The following KCNN4 variants were observed in gnomAD, a reference collection of about 807,000 sequenced individuals.
KCNN4 encodes the protein intermediate conductance calcium-activated potassium channel protein 4.
Under a neutral mutation model 45.2 loss-of-function variants are expected in KCNN4, and 31 were observed. That is an observed-to-expected ratio of 0.69 (90% CI 0.52 to 0.92). The LOEUF is 0.92. Among genes scored for constraint, KCNN4 ranks in the 40% least tolerant of loss-of-function variants. KCNN4 has a pLI of 0.00. For synonymous variants in KCNN4, 231 were observed against 254.6 expected (o/e 0.91, Z 0.88); for missense variants, 463 against 574.0 (o/e 0.81, Z 1.98).
intron 8 of KCNN4, 157 bp downstream of exon 8, chr19:43,767,383 G>A (rs746500456): frequency 7.9e-6 from 7 of 887,642 alleles, no homozygotes; most frequent in African/African-American, 1.7e-5. Context: ...TGCCAGTCCA[G>A]CCCCGAACTG....
At position 43,773,212 on chromosome 19, in the gene KCNN4, G is replaced by T. The variant is rs533598344; in HGVS notation, c.683+980C>A. Reference sequence around the variant, plus strand: ...CTAGGGAGGCTGAGGCATGAGAATTGCTTGAAGCCGGGAGGCAGAGGTTGC... The same window carrying T: ...CTAGGGAGGCTGAGGCATGAGAATTTCTTGAAGCCGGGAGGCAGAGGTTGC... On this transcript the variant is annotated intron_variant, in intron 3 of 8. Transcript: ENST00000648319. Among the ~76,000 whole-genome samples the T allele has an allele frequency of 7.9e-5, 12 of 152,376 alleles. 1 individual carries two copies. In the East Asian group the frequency reaches 1.7e-3, roughly 22 times the overall value.
At position 43,769,488 on chromosome 19, in the gene KCNN4, G is replaced by A. The variant is rs753494426; in HGVS notation, c.1003C>T (p.His335Tyr). ...FYKHTRRKES[H>Y]AARRHQRKLL... is the part of the protein sequence containing the mutation. Reference sequence around the variant, plus strand: ...TTGCGCTGATGCCTGCGGGCAGCATGAGACTCCTTCCTGCGAGTATGTTTG... The same window carrying A: ...TTGCGCTGATGCCTGCGGGCAGCATAAGACTCCTTCCTGCGAGTATGTTTG... The change falls in exon 6 of 9, where the codon CAT becomes TAT. Residue 335 changes from histidine (H) to tyrosine (Y), a missense_variant. Transcript: ENST00000648319. The surrounding 1 kb of genome is among the most constrained non-coding windows in gnomAD (Gnocchi z 4.4). 6.2e-7 allele frequency: 1 copy of A among 1,614,238 alleles called. No individual in the cohort carries two copies. Among genetic ancestry groups the A allele is most frequent in the Non-Finnish European group, 8.5e-7 (1 of 1,180,048 alleles).
rs116344022 is a variant in KCNN4 at position 43,776,734 on chromosome 19, C to T, written c.160-98G>A. The T allele has an allele frequency of 6.4e-3, 4,757 of 748,766 alleles. 158 individuals carry two copies. In the African/African-American group the frequency reaches 0.069, roughly 11 times the overall value. 46.4% of individuals were successfully genotyped at this position (748,766 alleles called of 1,614,324 possible). ...AAACCACCATTTTTTTTTTTTGATTCCCAATTTTCCTAGCCTCCTTCCCCT... is the reference window on the plus strand; with the variant it reads ...AAACCACCATTTTTTTTTTTTGATTTCCAATTTTCCTAGCCTCCTTCCCCT... On this transcript the variant is annotated intron_variant, in intron 1 of 8. Coordinates refer to ENST00000648319, the MANE Select transcript of KCNN4 (RefSeq NM_002250.3).
At chr19:43,768,942 C>T in intron 7 of KCNN4, 21 bp downstream of exon 7, 2 of 1,613,784 alleles carry the variant, frequency 1.2e-6, no homozygotes, top group Non-Finnish European at 1.7e-6. Context: ...TTCAAGACCT[C>T]CTCCCACGGG....
At position 43,780,734 on chromosome 19, in the gene KCNN4, T is replaced by C; in HGVS notation, c.128A>G (p.His43Arg). The part of the protein sequence containing the change: ...AGTGIGLMVL[H>R]AEMLWFGGCS... ...CCCCCCGAACCACAGCATCTCTGCA[T>C]GCAGCACCATGAGTCCAATGCCAGT... The change falls in exon 1 of 9, where the codon CAT (histidine) becomes CGT (arginine). Residue 43 changes from histidine (H) to arginine (R), a missense_variant. Transcript: ENST00000648319. 6.2e-7 allele frequency: 1 copy of C among 1,613,198 alleles called. No individual in the cohort carries two copies. Among genetic ancestry groups the C allele is most frequent in the Non-Finnish European group, 8.5e-7 (1 of 1,179,784 alleles).
At chr19:43,773,111 C>T (rs1276601727) in intron 3 of KCNN4, among the ~76,000 whole-genome samples, 1 of 152,228 alleles carries the variant, frequency 6.6e-6, no homozygotes, top group African/African-American at 2.4e-5. Flanking sequence ...CCAGCCTGGG[C>T]AACACGGTAA....
chr19:43,780,902 G>T lies in KCNN4; in HGVS notation c.-41C>A. On this transcript the variant is annotated 5_prime_UTR_variant, in exon 1 of 9. Coordinates refer to ENST00000648319, the MANE Select transcript of KCNN4 (RefSeq NM_002250.3). ...GGGGCTCAGCCAGCTTCCTGCCCAG[G>T]GTCCCCCACCTCGCAGCACGCACAG... 2 of 1,605,558 alleles carry T rather than the reference G, an allele frequency of 1.2e-6. No individual in the cohort carries two copies. The highest frequency in any genetic ancestry group is 1.7e-6 in the Non-Finnish European group (2 of 1,175,300).
In KCNN4 at chr19:43,774,271, T is replaced by C; in HGVS notation, c.604A>G (p.Thr202Ala). Reference sequence around the variant, plus strand: ...CCGAGCAGCAGGCGGCCAGGGTGCGTGTTCATGTAAAGCTTGGCCACGAAC... The same window carrying C: ...CCGAGCAGCAGGCGGCCAGGGTGCGCGTTCATGTAAAGCTTGGCCACGAAC... ...HWFVAKLYMN[T>A]HPGRLLLGLT... Residue 202 changes from threonine to alanine, a missense_variant, in exon 3 of 9, where the codon ACG becomes GCG. Transcript: ENST00000648319. The surrounding 1 kb of genome is among the most constrained non-coding windows in gnomAD (Gnocchi z 5.6). 6.2e-7 allele frequency: 1 copy of C among 1,612,886 alleles called. No individual in the cohort carries two copies. The highest frequency in any genetic ancestry group is 8.5e-7 in the Non-Finnish European group (1 of 1,179,532).
At chr19:43,778,336 T>C (rs989759672) in intron 1 of KCNN4, among the ~76,000 whole-genome samples, 17 of 152,090 alleles carry the variant, frequency 1.1e-4, no homozygotes, top group African/African-American at 4.1e-4. Context: ...GCCTCCTGGG[T>C]TCACACCATT....
In KCNN4 at chr19:43,774,155, G is replaced by T; in HGVS notation, c.683+37C>A. On this transcript the variant is annotated intron_variant, in intron 3 of 8. Transcript: ENST00000648319. This position sits in a 1 kb window ranked among gnomAD's most constrained non-coding sequence, Gnocchi z 5.6. Reference sequence around the variant, plus strand: ...AGGACGGCCGCCGTGGCTGTCCGGGGTTCCCCCCTGCGCATTTATGCCTCC... The same window carrying T: ...AGGACGGCCGCCGTGGCTGTCCGGGTTTCCCCCCTGCGCATTTATGCCTCC... 1 of 1,573,758 alleles carries T rather than the reference G, an allele frequency of 6.4e-7. No homozygotes were observed. The highest frequency in any genetic ancestry group is 1.7e-5 in the Admixed American group (1 of 57,164).
chr19:43,776,491 G>A (rs1039952264), intron 2 of KCNN4, 50 bp downstream of exon 2: 3 of 1,245,846 alleles, frequency 2.4e-6, no homozygotes, highest in East Asian at 4.6e-5. Context: ...AGCTGACAGG[G>A]CGCTGAGGGG....
In KCNN4 at chr19:43,767,500, C is replaced by T. The variant is rs746131989; in HGVS notation, c.*3+40G>A. ...TAGGGTGCTGGCCACAGGAACCCTT[C>T]CTCCAGGATGCCTTCCTGCCCAAGT... On this transcript the variant is annotated intron_variant, in intron 8 of 8. Coordinates refer to ENST00000648319, the MANE Select transcript of KCNN4 (RefSeq NM_002250.3). 3 of 1,597,292 alleles carry T rather than the reference C, an allele frequency of 1.9e-6. No homozygotes were observed. In the South Asian group the frequency reaches 3.3e-5, roughly 18 times the overall value.
In KCNN4 at chr19:43,769,794, C is replaced by T. The variant is rs1245368743; in HGVS notation, c.855G>A (p.Val285=). The change falls in exon 5 of 9, where the codon GTG becomes GTA. Residue 285 remains valine (V), a synonymous_variant. Coordinates refer to ENST00000648319, the MANE Select transcript of KCNN4 (RefSeq NM_002250.3). The surrounding 1 kb of genome is among the most constrained non-coding windows in gnomAD (Gnocchi z 4.4). ...VCCTALLVAV[V]ARKLEFNKAE... ...CCTTGTTAAACTCCAGCTTCCGGGC[C>T]ACCACGGCCACCAGCAGGGCTGTGC... 6.2e-7 allele frequency: 1 copy of T among 1,613,538 alleles called. No homozygotes were observed. The highest frequency in any genetic ancestry group is 2.2e-5 in the East Asian group (1 of 44,876).
chr19:43,777,560 C>T (rs1969849390), intron 1 of KCNN4, among the ~76,000 whole-genome samples: 1 of 152,164 alleles, frequency 6.6e-6, no homozygotes, highest in South Asian at 2.1e-4. Context: ...AGACAGCCCC[C>T]TCGGTTCTGC....
At position 43,772,477 on chromosome 19, in the gene KCNN4, A is replaced by T. The variant is rs1201424224; in HGVS notation, c.684-342T>A. On this transcript the variant is annotated intron_variant, in intron 3 of 8. Transcript: ENST00000648319. The surrounding 1 kb of genome is among the most constrained non-coding windows in gnomAD (Gnocchi z 4.4). Reference sequence around the variant, plus strand: ...GTGTGGTTGAGGGTGGAGAGTCGATAGGGGGCCAAAACCCAGTCAGACCCT... The same window carrying T: ...GTGTGGTTGAGGGTGGAGAGTCGATTGGGGGCCAAAACCCAGTCAGACCCT... 6.6e-6 allele frequency among the ~76,000 whole-genome samples: 1 copy of T among 151,990 alleles called. No individual in the cohort carries two copies. The highest frequency in any genetic ancestry group is 2.4e-5 in the African/African-American group (1 of 41,342).
chr19:43,774,524 C>T lies in KCNN4; in HGVS notation c.351G>A (p.Leu117=). The T allele has an allele frequency of 6.3e-7, 1 of 1,596,264 alleles. No individual in the cohort carries two copies. The highest frequency in any genetic ancestry group is 8.5e-7 in the Non-Finnish European group (1 of 1,175,676). The change falls in exon 3 of 9, where the codon CTG becomes CTA. Residue 117 remains leucine, a synonymous_variant. Coordinates refer to ENST00000648319, the MANE Select transcript of KCNN4 (RefSeq NM_002250.3). This position sits in a 1 kb window ranked among gnomAD's most constrained non-coding sequence, Gnocchi z 5.6. Reference sequence around the variant, plus strand: ...GCGGGCCCCGCACGGGCGCCGGGTGCAGCCCACACACCACCAGCTCCAGCA... The same window carrying T: ...GCGGGCCCCGCACGGGCGCCGGGTGTAGCCCACACACCACCAGCTCCAGCA... ...QIVLELVVCG[L]HPAPVRGPPC... is the part of the protein sequence containing the mutation.
Position 43,769,573 on chromosome 19 carries a change from G to A in KCNN4, c.931-13C>T. Reference sequence around the variant, plus strand: ...CGGACTCCTTCATCTGGGGGTGGGTGGCACAGTGTCCGTGGAGATAGACCC... The same window carrying A: ...CGGACTCCTTCATCTGGGGGTGGGTAGCACAGTGTCCGTGGAGATAGACCC... On this transcript the variant is annotated splice_polypyrimidine_tract_variant and intron_variant, in intron 5 of 8. Coordinates refer to ENST00000648319, the MANE Select transcript of KCNN4 (RefSeq NM_002250.3). The surrounding 1 kb of genome is among the most constrained non-coding windows in gnomAD (Gnocchi z 4.4). 3.1e-6 allele frequency: 5 copies of A among 1,609,584 alleles called. No homozygotes were observed. The highest frequency in any genetic ancestry group is 4.3e-6 in the Non-Finnish European group (5 of 1,175,816).
In KCNN4 at chr19:43,772,053, C is replaced by G; in HGVS notation, c.766G>C (p.Val256Leu). 6.2e-7 allele frequency: 1 copy of G among 1,613,656 alleles called. No homozygotes were observed. Among genetic ancestry groups the G allele is most frequent in the Non-Finnish European group, 8.5e-7 (1 of 1,179,836 alleles). Residue 256 changes from valine to leucine, a missense_variant, in exon 4 of 9, where the codon GTG (valine) becomes CTG (leucine). Val to Leu is a conservative substitution (Grantham distance 32). Coordinates refer to ENST00000648319, the MANE Select transcript of KCNN4 (RefSeq NM_002250.3). The surrounding 1 kb of genome is among the most constrained non-coding windows in gnomAD (Gnocchi z 4.4). ...ITFLTIGYGD[V>L]VPGTMWGKIV... The stretch of plus-strand genomic sequence containing the variant: ...TTGCCCCACATGGTGCCCGGCACCA[C>G]GTCACCATAGCCGATGGTCAGGAAT...
rs777704100 is a variant in KCNN4, at chr19:43,774,185, C to G, written c.683+7G>C. The G allele has an allele frequency of 6.2e-7, 1 of 1,607,150 alleles. No homozygotes were observed. The highest frequency in any genetic ancestry group is 8.5e-7 in the Non-Finnish European group (1 of 1,175,484). ...CCCCTGCGCATTTATGCCTCCATCA[C>G]CCTCACCTCTCGGCCACGGACAGCA... is the stretch of plus-strand genomic sequence containing the variant. On this transcript the variant is annotated splice_region_variant and intron_variant, in intron 3 of 8. Coordinates refer to ENST00000648319, the MANE Select transcript of KCNN4 (RefSeq NM_002250.3). The surrounding 1 kb of genome is among the most constrained non-coding windows in gnomAD (Gnocchi z 5.6).
Sources: allele counts gnomAD v4.1 joint callset (sites outside exome capture counted in the v4.1 genomes callset), GRCh38; gene constraint gnomAD v4.1.1; non-coding constraint Gnocchi (gnomAD v3.1); transcripts MANE v1.5; gene names NCBI Gene and HGNC (gene_info 2026-07-23, HGNC 2026-07-21).